Variants in MID1 observed in about 807,000 individuals in gnomAD.
MID1 encodes E3 ubiquitin-protein ligase Midline-1.
Under a neutral mutation model 40.4 loss-of-function variants are expected in MID1, and 7 were observed. The observed-to-expected ratio is 0.17, with a 90% confidence interval of 0.10 to 0.33. The LOEUF is 0.33. MID1 is among the 10% of genes least tolerant of loss of function. The pLI is 1.00. For missense variants in MID1, 367 were observed against 558.5 expected (o/e 0.66, Z 3.46); for synonymous variants, 229 against 221.2 (o/e 1.04, Z -0.31).
At chrX:10,519,393 ATGT>A (rs1299737754) in intron 3 of MID1, among the ~76,000 whole-genome samples, 2 of 111,743 alleles carry the variant, frequency 1.8e-5, no homozygotes, top group East Asian at 5.6e-4. Flanking sequence ...ATTATTTCCA[ATGT>A]TGTTTAATCA....
At chrX:10,477,882 C>G (rs1930099375) in intron 5 of MID1, among the ~76,000 whole-genome samples, 2 of 112,568 alleles carry the variant, frequency 1.8e-5, no homozygotes, top group Non-Finnish European at 3.8e-5. Flanking sequence ...TATCTTAATG[C>G]CTATGAACAC....
intron 5 of MID1, among the ~76,000 whole-genome samples, chrX:10,476,191 T>C (rs1010129311): frequency 5.4e-5 from 6 of 111,276 alleles, no homozygotes; most frequent in Non-Finnish European, 7.5e-5. Context: ...AGGGAGTAGA[T>C]TGGTGGTTGC....
intron 2 of MID1, among the ~76,000 whole-genome samples, chrX:10,542,696 G>A (rs1933519848): frequency 9.0e-6 from 1 of 111,714 alleles, no homozygotes; most frequent in African/African-American, 3.2e-5. Flanking sequence ...GCTAATCTTA[G>A]TGTCTTCCCA....
chrX:10,491,112 T>C (rs1930923596), intron 4 of MID1, among the ~76,000 whole-genome samples: 2 of 112,086 alleles, frequency 1.8e-5, no homozygotes, highest in Non-Finnish European at 1.9e-5. Context: ...ACTTTTCCTG[T>C]AGAGGACCAG....
chrX:10,676,144 T>C (rs2043022005), intron 1 of MID1, among the ~76,000 whole-genome samples: 1 of 112,055 alleles, frequency 8.9e-6, no homozygotes, highest in Non-Finnish European at 1.9e-5. Context: ...TCTCCTGAAG[T>C]TGTACCCCCC....
chrX:10,769,484 C>T (rs1215116485), intron 1 of MID1, among the ~76,000 whole-genome samples: 1 of 111,602 alleles, frequency 9.0e-6, no homozygotes, highest in African/African-American at 3.3e-5. Flanking sequence ...TGTTGTATGC[C>T]CTCGGAAACA....
At chrX:10,697,807 G>A (rs1325469211) in intron 1 of MID1, among the ~76,000 whole-genome samples, 3 of 111,437 alleles carry the variant, frequency 2.7e-5, no homozygotes, top group Non-Finnish European at 3.8e-5. Flanking sequence ...ATTTTGGACT[G>A]TCCTGTGCAT....
chrX:10,574,441 G>C (rs962507094), intron 1 of MID1, among the ~76,000 whole-genome samples: 2 of 111,987 alleles, frequency 1.8e-5, no homozygotes, highest in Non-Finnish European at 3.8e-5. Flanking sequence ...TTTGACTCTA[G>C]AAATGTAAGA....
At chrX:10,506,343 G>T in intron 3 of MID1, 6 of 1,090,146 alleles carry the variant, frequency 5.5e-6, no homozygotes, top group South Asian at 2.5e-5. Context: ...TGGTCAAATT[G>T]TTGCCAGAAA....
chrX:10,469,915 A>C, intron 6 of MID1, 75 bp from the exon 7 acceptor site: 1 of 1,026,938 alleles, frequency 9.7e-7, no homozygotes, highest in Non-Finnish European at 1.4e-6. Flanking sequence ...GATGTTTGAC[A>C]GTTAAGCAGG....
chrX:10,728,319 G>C (rs1423388110), intron 1 of MID1, among the ~76,000 whole-genome samples: 1 of 111,560 alleles, frequency 9.0e-6, no homozygotes, highest in Non-Finnish European at 1.9e-5. Context: ...GAATCTGAAA[G>C]CAGGAGCTCA....
rs1056015667 is a variant in MID1 at position 10,460,001 on chromosome X, C to T, written c.1286-194G>A. ...TGCATTTTTGCCTCCAAAATTCTCCCTGCCCTGTATATCCAGGCCCAAATA... is the reference window on the plus strand; with the variant it reads ...TGCATTTTTGCCTCCAAAATTCTCCTTGCCCTGTATATCCAGGCCCAAATA... On this transcript the variant is annotated intron_variant, in intron 7 of 9. Coordinates refer to ENST00000317552, the MANE Select transcript of MID1 (RefSeq NM_000381.4). The T allele has an allele frequency of 1.0e-4, 49 of 478,338 alleles. No individual in the cohort carries two copies. The South Asian group carries it at 1.3e-3, about 13-fold the overall frequency. 39.4% of individuals were successfully genotyped at this position (478,338 alleles called of 1,213,427 possible). A position where few individuals can be genotyped will look rare whatever the true frequency, so the allele number is the denominator to read the frequency against.
At chrX:10,567,948 G>T (rs1934618687) in intron 1 of MID1, among the ~76,000 whole-genome samples, 2 of 111,414 alleles carry the variant, frequency 1.8e-5, no homozygotes, top group East Asian at 5.6e-4. Context: ...GTCAGAGTCA[G>T]GTTTAACCTC....
intron 2 of MID1, among the ~76,000 whole-genome samples, chrX:10,558,413 G>C (rs939209330): frequency 8.9e-6 from 1 of 112,422 alleles, no homozygotes; most frequent in Non-Finnish European, 1.9e-5. Context: ...TTCCTCCTCC[G>C]AATCCCAAAA....
chrX:10,666,133 G>C (rs2042949271), intron 1 of MID1, among the ~76,000 whole-genome samples: 1 of 110,741 alleles, frequency 9.0e-6, no homozygotes, highest in African/African-American at 3.3e-5. Flanking sequence ...GTGAAATAGG[G>C]AAAGGCTATG....
chrX:10,579,925 G>C (rs1202837205), intron 1 of MID1, among the ~76,000 whole-genome samples: 1 of 109,684 alleles, frequency 9.1e-6, no homozygotes, highest in Non-Finnish European at 1.9e-5. Context: ...GCTGACAAAT[G>C]AAAACAGGAT....
intron 2 of MID1, among the ~76,000 whole-genome samples, chrX:10,544,930 G>A (rs954044227): frequency 1.8e-5 from 2 of 112,179 alleles, no homozygotes; most frequent in Non-Finnish European, 3.8e-5. Context: ...TCCTTTCAAA[G>A]CTAAGTGTTT....
intron 3 of MID1, among the ~76,000 whole-genome samples, chrX:10,499,206 C>A (rs1429788060): frequency 9.0e-6 from 1 of 111,647 alleles, no homozygotes; most frequent in Non-Finnish European, 1.9e-5. Context: ...ATGATGTTGA[C>A]CATCTTTTTC....
At chrX:10,646,080 C>T (rs186927950) in intron 1 of MID1, among the ~76,000 whole-genome samples, 77 of 111,769 alleles carry the variant, frequency 6.9e-4, no homozygotes, top group South Asian at 2.6e-3. Context: ...CACCACTCCC[C>T]GAACCACACT....
Sources: gnomAD v4.1 joint callset for allele counts (sites outside exome capture counted in the v4.1 genomes callset) on GRCh38, gnomAD v4.1.1 for gene constraint, MANE v1.5 for transcripts, NCBI Gene and HGNC (gene_info 2026-07-23, HGNC 2026-07-21) for gene names.